TM4SF1: variants seen among roughly 807,000 people sequenced by gnomAD.
TM4SF1 encodes the protein transmembrane 4 L six family member 1, also known as transmembrane 4 L6 family member 1.
Under a neutral mutation model 24.5 loss-of-function variants are expected in TM4SF1, and 20 were observed. The ratio of observed to expected loss-of-function variants is 0.82; its 90% confidence interval spans 0.57 to 1.19. TM4SF1 has a LOEUF of 1.19. Ranked by LOEUF, TM4SF1 falls within the 50% of genes most tolerant of loss-of-function variation. TM4SF1 has a pLI of 0.00. For missense variants in TM4SF1, 258 were observed against 248.1 expected, an observed-to-expected ratio of 1.04 and a Z score of -0.27; for synonymous variants, 107 against 95.4, an observed-to-expected ratio of 1.12 and a Z score of -0.71.
chr3:149,369,646 T>C lies in TM4SF1; in HGVS notation c.*220A>G, dbSNP rs1247052732. ...CCCCAGAGGGTGGTTTGTTTCCTCA[T>C]TCCTTAAAAAAAAACAAAAACAAAT... On this transcript the variant is annotated 3_prime_UTR_variant, in exon 5 of 5. Coordinates refer to ENST00000305366, the MANE Select transcript of TM4SF1 (RefSeq NM_014220.3). The C allele has an allele frequency of 1.7e-5, 9 of 536,266 alleles. No homozygotes were observed. Among genetic ancestry groups the C allele is most frequent in the East Asian group, 3.5e-5 (1 of 28,236 alleles). The allele number at this position is 536,266 out of a possible 1,614,324, so 33.2% of individuals were successfully genotyped here.
chr3:149,369,661 C>A lies in TM4SF1; in HGVS notation c.*205G>T, dbSNP rs1731771884. The A allele has an allele frequency of 4.1e-5, 24 of 589,982 alleles. No homozygotes were observed. Among genetic ancestry groups the A allele is most frequent in the South Asian group, 1.2e-4 (5 of 41,424 alleles). 36.5% of individuals were successfully genotyped at this position (589,982 alleles called of 1,614,324 possible). On this transcript the variant is annotated 3_prime_UTR_variant, in exon 5 of 5. Transcript: ENST00000305366. ...TGTTTCCTCATTCCTTAAAAAAAAA[C>A]AAAAACAAATAAACAAACAAAAAAG...
chr3:149,369,990 C>T (rs994945352), intron 4 of TM4SF1, 110 bp from the exon 5 acceptor site: 8 of 1,373,898 alleles, frequency 5.8e-6, no homozygotes, highest in Middle Eastern at 2.6e-4. Context: ...ATCTTAGCTT[C>T]AGCAAAGCTT....
chr3:149,371,727 A>G lies in TM4SF1; in HGVS notation c.554T>C (p.Val185Ala). 2 of 1,614,150 alleles carry G rather than the reference A, an allele frequency of 1.2e-6. No individual in the cohort carries two copies. The highest frequency in any genetic ancestry group is 1.7e-6 in the Non-Finnish European group (2 of 1,180,020). ...ILCLIQVING[V>A]LGGICGFCCS... ...GCAAAAGCCACATATGCCTCCAAGC[A>G]CTCCATTTATTACTTGAATAAGACA... The change falls in exon 4 of 5, where the codon GTG becomes GCG. Residue 185 changes from valine to alanine, a missense_variant. Coordinates refer to ENST00000305366, the MANE Select transcript of TM4SF1 (RefSeq NM_014220.3).
rs753013299 is a variant in TM4SF1, at chr3:149,371,827, G to T, written c.454C>A (p.Pro152Thr). Residue 152 changes from proline (P) to threonine (T), a missense_variant, in exon 4 of 5, where the codon CCC becomes ACC. Coordinates refer to ENST00000305366, the MANE Select transcript of TM4SF1 (RefSeq NM_014220.3). ...DTSTWSECTEPKHIVEWNVSL... is the reference protein window; with the variant it reads ...DTSTWSECTETKHIVEWNVSL... ...ACATTCCATTCCACAATGTGCTTGGGTTCAGTGCACTCGGACCATGTGGAG... is the reference window on the plus strand; with the variant it reads ...ACATTCCATTCCACAATGTGCTTGGTTTCAGTGCACTCGGACCATGTGGAG... 2 of 1,614,014 alleles carry T rather than the reference G, an allele frequency of 1.2e-6. No individual in the cohort carries two copies. Among genetic ancestry groups the T allele is most frequent in the South Asian group, 1.1e-5 (1 of 91,060 alleles).
In TM4SF1 at chr3:149,377,401, G is replaced by C. The variant is rs1444892178; in HGVS notation, c.147C>G (p.Phe49Leu). The C allele has an allele frequency of 3.1e-6, 5 of 1,614,086 alleles. No homozygotes were observed. The highest frequency in any genetic ancestry group is 4.2e-6 in the Non-Finnish European group (5 of 1,180,000). ...SENHLSRFVWFFSGIVGGGLL... is the reference protein window; with the variant it reads ...SENHLSRFVWLFSGIVGGGLL... ...GGCCACCTCCTACGATGCCAGAAAA[G>C]AACCACACGAAGCGGCTGAGGTGGT... The change falls in exon 1 of 5, where the codon TTC (phenylalanine) becomes TTG (leucine). Residue 49 changes from phenylalanine (F) to leucine (L), a missense_variant. By Grantham distance (22) the Phe-to-Leu change is conservative. Transcript: ENST00000305366.
Position 149,369,595 on chromosome 3 carries a change from G to A in TM4SF1, c.*271C>T. 2.4e-6 allele frequency: 1 copy of A among 418,402 alleles called. No individual in the cohort carries two copies. 25.9% of individuals were successfully genotyped at this position (418,402 alleles called of 1,614,324 possible). ...ATAGAGTTTATCTCAGATATACTGA[G>A]TACTGTCACTCAGTCTGTAAATTAC... On this transcript the variant is annotated 3_prime_UTR_variant, in exon 5 of 5. Transcript: ENST00000305366.
At chr3:149,371,321 ATTAC>A (rs1427899516) in intron 4 of TM4SF1, 1 of 413,814 alleles carries the variant, frequency 2.4e-6, no homozygotes, top group Admixed American at 4.1e-5. Context: ...ATGGTTGGCT[ATTAC>A]TTATGTATAC....
At chr3:149,377,316 A>G (rs1359970611) in intron 1 of TM4SF1, 55 bp downstream of exon 1, 8 of 1,542,512 alleles carry the variant, frequency 5.2e-6, no homozygotes, top group African/African-American at 1.4e-5. Flanking sequence ...GAAAATACAT[A>G]ATGAAAACAT....
At chr3:149,371,218 G>A (rs756563360) in intron 4 of TM4SF1, 16 of 173,432 alleles carry the variant, frequency 9.2e-5, no homozygotes, top group Admixed American at 2.9e-4. Flanking sequence ...AGCGACTCAA[G>A]GTTTGAAGCC....
In TM4SF1 at chr3:149,375,539, T is replaced by C. The variant is rs1560003388; in HGVS notation, c.317A>G (p.Tyr106Cys). ...GCCAAGGGCTGCCACAATGACACAG[T>C]AGCCAGATCCTGCAATTCCAATGAG... Reference protein sequence around the residue: ...AALIGIAGSGYCVIVAALGLA... With the variant: ...AALIGIAGSGCCVIVAALGLA... Residue 106 changes from tyrosine (Y) to cysteine (C), a missense_variant, in exon 3 of 5, where the codon TAC (tyrosine) becomes TGC (cysteine). Coordinates refer to ENST00000305366, the MANE Select transcript of TM4SF1 (RefSeq NM_014220.3). 7 of 1,614,150 alleles carry C rather than the reference T, an allele frequency of 4.3e-6. No individual in the cohort carries two copies. Among genetic ancestry groups the C allele is most frequent in the Non-Finnish European group, 5.9e-6 (7 of 1,180,018 alleles).
At chr3:149,375,085 G>T (rs1288075401) in intron 3 of TM4SF1, among the ~76,000 whole-genome samples, 1 of 152,078 alleles carries the variant, frequency 6.6e-6, no homozygotes, top group Non-Finnish European at 1.5e-5. Context: ...CTATTCAAAA[G>T]CACTCTGTAT....
At position 149,375,493 on chromosome 3, in the gene TM4SF1, A is replaced by G; in HGVS notation, c.363T>C (p.Cys121=). ...AGTTCCACTGGCCGAGGGAATCAAG[A>G]CATAGTGGTCCTTCTGCTAAGCCAA... is the stretch of plus-strand genomic sequence containing the variant. The part of the protein sequence containing the change: ...AALGLAEGPL[C]LDSLGQWNYT... The change falls in exon 3 of 5, where the codon TGT becomes TGC. Residue 121 remains cysteine, a synonymous_variant. Transcript: ENST00000305366. The G allele has an allele frequency of 6.2e-7, 1 of 1,614,212 alleles. No individual in the cohort carries two copies. The highest frequency in any genetic ancestry group is 1.1e-5 in the South Asian group (1 of 91,086).
chr3:149,377,383 T>A lies in TM4SF1; in HGVS notation c.165A>T (p.Gly55=). 6.2e-7 allele frequency: 1 copy of A among 1,613,778 alleles called. No homozygotes were observed. The highest frequency in any genetic ancestry group is 8.5e-7 in the Non-Finnish European group (1 of 1,179,888). Residue 55 remains glycine (G), a synonymous_variant, in exon 1 of 5, where the codon GGA becomes GGT. Transcript: ENST00000305366. ...CTGAATGACTTACCAGCAGGCCACCTCCTACGATGCCAGAAAAGAACCACA... is the reference window on the plus strand; with the variant it reads ...CTGAATGACTTACCAGCAGGCCACCACCTACGATGCCAGAAAAGAACCACA... ...RFVWFFSGIV[G]GGLLMLLPAF...
intron 4 of TM4SF1, chr3:149,371,376 T>C: frequency 1.8e-6 from 1 of 548,156 alleles, no homozygotes; most frequent in East Asian, 3.0e-5. Context: ...AGACATCACT[T>C]TTTTTTCTGT....
intron 3 of TM4SF1, among the ~76,000 whole-genome samples, chr3:149,373,892 T>C (rs1020400663): frequency 1.3e-5 from 2 of 152,222 alleles, no homozygotes; most frequent in South Asian, 4.1e-4. Flanking sequence ...ATGACTTTTC[T>C]TAGAAGTCTG....
At chr3:149,376,650 A>G (rs1276423392) in intron 1 of TM4SF1, among the ~76,000 whole-genome samples, 1 of 152,202 alleles carries the variant, frequency 6.6e-6, no homozygotes, top group African/African-American at 2.4e-5. Flanking sequence ...ATTCCATAAA[A>G]TTTCTCCTTA....
At chr3:149,372,711 C>A (rs1048215859) in intron 3 of TM4SF1, among the ~76,000 whole-genome samples, 1 of 152,180 alleles carries the variant, frequency 6.6e-6, no homozygotes, top group Non-Finnish European at 1.5e-5. Context: ...GCAACCTCTA[C>A]GTCCCAGGTT....
chr3:149,377,506 C>A lies in TM4SF1; in HGVS notation c.42G>T (p.Leu14=), dbSNP rs1411864807. 5 of 1,614,090 alleles carry A rather than the reference C, an allele frequency of 3.1e-6. No individual in the cohort carries two copies. The highest frequency in any genetic ancestry group is 3.4e-6 in the Non-Finnish European group (4 of 1,180,016). ...GKCARCIGHS[L]VGLALLCIAA... ...CGATGCACAGGAGGGCGAGCCCCAC[C>A]AGAGAATGTCCGATGCATCGTGCAC... Residue 14 remains leucine (L), a synonymous_variant, in exon 1 of 5, where the codon CTG becomes CTT. Transcript: ENST00000305366.
intron 3 of TM4SF1, among the ~76,000 whole-genome samples, chr3:149,375,211 A>G (rs1038360148): frequency 9.3e-5 from 14 of 149,814 alleles, no homozygotes; most frequent in Admixed American, 2.0e-4. Flanking sequence ...TCTCTGGGGG[A>G]AAAAAAAAGA....
Sources: allele counts gnomAD v4.1 joint callset (sites outside exome capture counted in the v4.1 genomes callset), GRCh38; gene constraint gnomAD v4.1.1; transcripts MANE v1.5; gene names NCBI Gene and HGNC (gene_info 2026-07-23, HGNC 2026-07-21).